Variants in MKLN1 observed in about 807,000 individuals in gnomAD.
MKLN1 encodes the protein muskelin.
Under a neutral mutation model 99.0 loss-of-function variants are expected in MKLN1, and 18 were observed. The ratio of observed to expected loss-of-function variants is 0.18; its 90% CI spans 0.13 to 0.27. The LOEUF (loss-of-function observed/expected upper bound fraction) is 0.27, where lower values mean the gene tolerates loss of function less well. MKLN1 is among the 10% of genes least tolerant of loss of function. MKLN1 has a pLI of 1.00. For synonymous variants in MKLN1, 288 were observed against 293.2 expected, an observed-to-expected ratio of 0.98 and a Z score of 0.18; for missense variants, 621 against 875.9, an observed-to-expected ratio of 0.71 and a Z score of 3.67.
At chr7:131,411,423 T>C (rs766468042) in intron 7 of MKLN1, 40 bp downstream of exon 7, 3 of 1,307,124 alleles carry the variant, frequency 2.3e-6, no homozygotes, top group Non-Finnish European at 1.1e-6. Context: ...TTTTCATTAA[T>C]GTCTCAGTCT....
chr7:131,394,152 T>TA lies in MKLN1; in HGVS notation c.401-3106dup, dbSNP rs965614076. On this transcript the variant is annotated intron_variant, in intron 4 of 17. Transcript: ENST00000352689. ...ATAAAGATAATTTAATATTTGTTGT[T>TA]AAAAAAAAACTTTTTGAAATGTGTG... 2.1e-4 allele frequency among the ~76,000 whole-genome samples: 32 copies of TA among 151,534 alleles called. No individual in the cohort carries two copies. In the East Asian group the frequency reaches 2.3e-3, roughly 11 times the overall value.
intron 1 of MKLN1, among the ~76,000 whole-genome samples, chr7:131,128,485 C>T (rs1298546483): frequency 6.6e-6 from 1 of 152,020 alleles, no homozygotes; most frequent in Non-Finnish European, 1.5e-5. Context: ...TTGAATCCAG[C>T]CTGGGCAACA....
At chr7:131,259,134 A>T (rs1017988957) in intron 3 of MKLN1, among the ~76,000 whole-genome samples, 6 of 152,098 alleles carry the variant, frequency 3.9e-5, no homozygotes, top group African/African-American at 9.7e-5. Flanking sequence ...TATATATATA[A>T]AACACCTTCA....
At chr7:131,188,103 T>A (rs1181706951) in intron 2 of MKLN1, among the ~76,000 whole-genome samples, 1 of 152,202 alleles carries the variant, frequency 6.6e-6, no homozygotes, top group African/African-American at 2.4e-5. Context: ...TATCGAATTT[T>A]AAAAATTCAC....
At chr7:131,159,813 C>A (rs1356080886) in intron 2 of MKLN1, among the ~76,000 whole-genome samples, 1 of 151,926 alleles carries the variant, frequency 6.6e-6, no homozygotes, top group Non-Finnish European at 1.5e-5. Flanking sequence ...TAGTATATAC[C>A]ACTGGCCAGA....
At chr7:131,386,075 G>A (rs908243534) in intron 2 of MKLN1, among the ~76,000 whole-genome samples, 2 of 149,546 alleles carry the variant, frequency 1.3e-5, no homozygotes, top group Non-Finnish European at 3.0e-5. Context: ...GTGCAATGGC[G>A]TGATCTTGGC....
intron 15 of MKLN1, among the ~76,000 whole-genome samples, chr7:131,466,900 C>CAT (rs1364940284): frequency 6.7e-6 from 1 of 148,754 alleles, no homozygotes; most frequent in Admixed American, 6.9e-5. Flanking sequence ...CATATATATA[C>CAT]ATATACACAC....
chr7:131,200,712 T>C (rs1247059374), intron 2 of MKLN1, among the ~76,000 whole-genome samples: 1 of 152,232 alleles, frequency 6.6e-6, no homozygotes, highest in East Asian at 1.9e-4. Context: ...TATTAGCACA[T>C]TGGACTACCT....
At chr7:131,157,606 G>A (rs1359891646) in intron 2 of MKLN1, among the ~76,000 whole-genome samples, 1 of 152,114 alleles carries the variant, frequency 6.6e-6, no homozygotes, top group Non-Finnish European at 1.5e-5. Context: ...ATCATTATTA[G>A]TATTATTAAT....
At chr7:131,408,775 T>A (rs1484914877) in intron 6 of MKLN1, among the ~76,000 whole-genome samples, 6 of 152,162 alleles carry the variant, frequency 3.9e-5, no homozygotes, top group Non-Finnish European at 8.8e-5. Flanking sequence ...TGTGCTTTTT[T>A]AAGAGAGTAT....
In MKLN1 at chr7:131,375,408, A is replaced by G. The variant is rs1184153244; in HGVS notation, c.99-16A>G. On this transcript the variant is annotated splice_polypyrimidine_tract_variant and intron_variant, in intron 1 of 17. Coordinates refer to ENST00000352689, the MANE Select transcript of MKLN1 (RefSeq NM_013255.5). ...ATTCATGTTCTCTTAATTTTTTAATACTTTCTTTATTCCAGGAACATTTTA... is the reference window on the plus strand; with the variant it reads ...ATTCATGTTCTCTTAATTTTTTAATGCTTTCTTTATTCCAGGAACATTTTA... 4 of 1,574,850 alleles carry G rather than the reference A, an allele frequency of 2.5e-6. No homozygotes were observed. Among genetic ancestry groups the G allele is most frequent in the East Asian group, 2.2e-5 (1 of 44,530 alleles).
chr7:131,304,818 G>A (rs1403960387), intron 3 of MKLN1, among the ~76,000 whole-genome samples: 1 of 152,172 alleles, frequency 6.6e-6, no homozygotes. Flanking sequence ...TTGAATGTTT[G>A]TGTCCCCTCC....
chr7:131,354,302 A>G lies in MKLN1; in HGVS notation c.99-21122A>G, dbSNP rs150928164. On this transcript the variant is annotated intron_variant, in intron 1 of 17. Coordinates refer to ENST00000352689, the MANE Select transcript of MKLN1 (RefSeq NM_013255.5). Reference sequence around the variant, plus strand: ...ATTTAGGTCTTCTTCAATTTCTTTTATCAGCATTTTGTAGTTTTCAGGATA... The same window carrying G: ...ATTTAGGTCTTCTTCAATTTCTTTTGTCAGCATTTTGTAGTTTTCAGGATA... Among the ~76,000 whole-genome samples, 1,150 of 152,164 alleles carry G rather than the reference A, an allele frequency of 7.6e-3. 5 individuals carry two copies. The highest frequency in any genetic ancestry group is 0.017 in the Middle Eastern group (5 of 294).
At chr7:131,422,658 C>T (rs1312204121) in intron 8 of MKLN1, among the ~76,000 whole-genome samples, 1 of 152,044 alleles carries the variant, frequency 6.6e-6, no homozygotes, top group East Asian at 1.9e-4. Flanking sequence ...TGTTGCTTCC[C>T]GGTGTCTCAT....
At chr7:131,469,570 C>T (rs749163606) in intron 15 of MKLN1, among the ~76,000 whole-genome samples, 12 of 152,142 alleles carry the variant, frequency 7.9e-5, no homozygotes, top group Admixed American at 7.2e-4. Flanking sequence ...CTGCCTGGTA[C>T]AAGAGAGCTG....
intron 3 of MKLN1, among the ~76,000 whole-genome samples, chr7:131,241,457 A>T (rs7808499): frequency 2.6e-5 from 4 of 151,926 alleles, no homozygotes; most frequent in African/African-American, 9.7e-5. Context: ...CTGTAATTCC[A>T]GCACTTTGGG....
intron 6 of MKLN1, among the ~76,000 whole-genome samples, chr7:131,401,091 C>T (rs1794531258): frequency 6.6e-6 from 1 of 152,218 alleles, no homozygotes; most frequent in Middle Eastern, 3.4e-3. Context: ...ACAAGAAGTT[C>T]CTGCCTGCTA....
At chr7:131,134,370 G>A (rs750178238) in intron 1 of MKLN1, among the ~76,000 whole-genome samples, 1 of 151,530 alleles carries the variant, frequency 6.6e-6, no homozygotes, top group Non-Finnish European at 1.5e-5. Flanking sequence ...AGTGTTCTTC[G>A]CTTGGTCCTT....
chr7:131,128,332 G>A (rs1795495019), intron 1 of MKLN1, among the ~76,000 whole-genome samples: 1 of 152,090 alleles, frequency 6.6e-6, no homozygotes, highest in South Asian at 2.1e-4. Context: ...GATATGTGCT[G>A]AAAAGCTGAA....
Sources: allele counts gnomAD v4.1 joint callset (sites outside exome capture counted in the v4.1 genomes callset), GRCh38; gene constraint gnomAD v4.1.1; transcripts MANE v1.5; gene names NCBI Gene and HGNC (gene_info 2026-07-23, HGNC 2026-07-21).